Variants in ADGRF5 observed in about 807,000 individuals in gnomAD.
The protein encoded by ADGRF5 is adhesion G protein-coupled receptor F5.
A neutral mutation model predicts 132.3 loss-of-function variants in ADGRF5; 75 were observed. That is an observed-to-expected ratio of 0.57 (90% CI 0.47 to 0.69). The LOEUF is 0.69. ADGRF5 is among the 30% of genes least tolerant of loss of function. ADGRF5 has a pLI of 0.00. For missense variants in ADGRF5, 1,516 were observed against 1,630.6 expected, an observed-to-expected ratio of 0.93 and a Z score of 1.21; for synonymous variants, 629 against 597.6, an observed-to-expected ratio of 1.05 and a Z score of -0.77.
chr6:46,884,533 T>C (rs962084103), intron 4 of ADGRF5, among the ~76,000 whole-genome samples: 1 of 152,222 alleles, frequency 6.6e-6, no homozygotes, highest in African/African-American at 2.4e-5. Flanking sequence ...TCATGCCTAA[T>C]AGCTAATAGC....
At chr6:46,877,325 CTTT>C (rs1468414340) in intron 10 of ADGRF5, among the ~76,000 whole-genome samples, 21,230 of 40,992 alleles carry the variant, frequency 0.52, 3,598 homozygotes, top group African/African-American at 0.57. Context: ...TTCCTTCCTT[CTTT>C]CTTTCTTTCT....
chr6:46,895,750 G>C (rs567820655), intron 3 of ADGRF5, among the ~76,000 whole-genome samples: 2 of 151,776 alleles, frequency 1.3e-5, no homozygotes, highest in East Asian at 3.9e-4. Flanking sequence ...CTGTCAGAAA[G>C]CTGGAGTGGA....
chr6:46,941,678 A>G (rs1180963978), intron 1 of ADGRF5, among the ~76,000 whole-genome samples: 3 of 150,924 alleles, frequency 2.0e-5, no homozygotes, highest in Non-Finnish European at 1.5e-5. Context: ...TGTGGTTCTC[A>G]CTTTGAGAAA....
At chr6:46,905,718 A>G (rs973782765) in intron 2 of ADGRF5, among the ~76,000 whole-genome samples, 10 of 151,490 alleles carry the variant, frequency 6.6e-5, no homozygotes, top group African/African-American at 2.0e-4. Flanking sequence ...ATAATGCTAA[A>G]AACATACCAA....
chr6:46,871,704 A>G lies in ADGRF5; in HGVS notation c.1411+139T>C, dbSNP rs909273475. On this transcript the variant is annotated intron_variant, in intron 11 of 20. Coordinates refer to ENST00000283296, the MANE Select transcript of ADGRF5 (RefSeq NM_001098518.2). ...AGAGAGAAATCCTTTTCTATCTCCC[A>G]TTGTGTGATTTGCCCTAACCACACT... 4.0e-6 allele frequency: 2 copies of G among 502,528 alleles called. 1 individual carries two copies. Among genetic ancestry groups the G allele is most frequent in the Non-Finnish European group, 7.1e-6 (2 of 281,262 alleles). The allele number at this position is 502,528 out of a possible 1,614,324, so 31.1% of individuals were successfully genotyped here. A position where few individuals can be genotyped will look rare whatever the true frequency, so the allele number is the denominator to read the frequency against.
intron 1 of ADGRF5, among the ~76,000 whole-genome samples, chr6:46,937,929 CTTATAAATTTT>C (rs1777910713): frequency 1.3e-5 from 2 of 152,234 alleles, no homozygotes; most frequent in South Asian, 4.1e-4. Context: ...TAATTTAAAA[CTTATAAATTTT>C]TTTTCTGGAA....
At chr6:46,951,634 C>T (rs1778502862) in intron 1 of ADGRF5, among the ~76,000 whole-genome samples, 3 of 152,240 alleles carry the variant, frequency 2.0e-5, no homozygotes, top group Admixed American at 6.5e-5. Context: ...CTAGGTTTTT[C>T]CTGCACCACT....
intron 17 of ADGRF5, 29 bp downstream of exon 17, chr6:46,858,100 T>G (rs769121267): frequency 1.3e-6 from 2 of 1,513,770 alleles, no homozygotes; most frequent in Non-Finnish European, 9.0e-7. Context: ...AATAAAATCT[T>G]CCTGAAAGCT....
chr6:46,935,982 T>A (rs563154334), intron 1 of ADGRF5, among the ~76,000 whole-genome samples: 1 of 152,340 alleles, frequency 6.6e-6, no homozygotes, highest in South Asian at 2.1e-4. Flanking sequence ...GCGGAATGAA[T>A]GGCTCCAGCC....
intron 1 of ADGRF5, among the ~76,000 whole-genome samples, chr6:46,941,402 AAAAGAAAAG>A (rs1778050451): frequency 3.3e-5 from 1 of 30,306 alleles, no homozygotes; most frequent in African/African-American, 1.5e-4. Flanking sequence ...AAAAGAAAAG[AAAAGAAAAG>A]AAAAGAAAAG....
At chr6:46,889,186 C>CAT (rs5875989) in intron 3 of ADGRF5, among the ~76,000 whole-genome samples, 2,832 of 143,036 alleles carry the variant, frequency 0.02, 69 homozygotes, top group African/African-American at 0.059. Context: ...TATGTGTATA[C>CAT]ATATATATAT....
chr6:46,898,609 T>C (rs1309018110), intron 3 of ADGRF5, among the ~76,000 whole-genome samples: 1 of 152,110 alleles, frequency 6.6e-6, no homozygotes, highest in Non-Finnish European at 1.5e-5. Context: ...ATCTTCCAAA[T>C]AGTATTTTAA....
At chr6:46,949,714 G>T (rs1457577869) in intron 1 of ADGRF5, among the ~76,000 whole-genome samples, 1 of 152,172 alleles carries the variant, frequency 6.6e-6, no homozygotes, top group African/African-American at 2.4e-5. Flanking sequence ...AGAAATCAGG[G>T]CCAAAGCTCT....
intron 3 of ADGRF5, among the ~76,000 whole-genome samples, chr6:46,888,738 C>T (rs937876723): frequency 1.3e-5 from 2 of 152,066 alleles, no homozygotes; most frequent in Admixed American, 6.6e-5. Flanking sequence ...GAGGCAAGAG[C>T]GGAAGCAGAG....
intron 6 of ADGRF5, 114 bp from the exon 7 acceptor site, chr6:46,882,221 TTCTG>T (rs1772555782): frequency 1.3e-6 from 1 of 781,654 alleles, no homozygotes; most frequent in Non-Finnish European, 2.3e-6. Flanking sequence ...TAAAATTATC[TTCTG>T]TCTATTTTGT....
chr6:46,950,351 G>C (rs1024940336), intron 1 of ADGRF5, among the ~76,000 whole-genome samples: 2 of 152,106 alleles, frequency 1.3e-5, no homozygotes, highest in Non-Finnish European at 2.9e-5. Flanking sequence ...TTCCCACACA[G>C]AGCAACCTTT....
intron 3 of ADGRF5, among the ~76,000 whole-genome samples, chr6:46,897,860 C>T (rs892988934): frequency 5.3e-5 from 8 of 152,166 alleles, no homozygotes; most frequent in African/African-American, 1.7e-4. Context: ...TTAATTGCAA[C>T]TTACATTCTG....
intron 19 of ADGRF5, among the ~76,000 whole-genome samples, 155 bp from the exon 20 acceptor site, chr6:46,856,213 C>A (rs1020804562): frequency 2.0e-5 from 3 of 152,154 alleles, no homozygotes; most frequent in Non-Finnish European, 4.4e-5. Flanking sequence ...GGAATCTTAT[C>A]ATCTGTATTA....
intron 2 of ADGRF5, among the ~76,000 whole-genome samples, chr6:46,901,518 T>C (rs1774761973): frequency 6.6e-6 from 1 of 152,190 alleles, no homozygotes; most frequent in Non-Finnish European, 1.5e-5. Context: ...TAATACTTCC[T>C]AAGATGTATT....
Sources: allele counts gnomAD v4.1 joint callset (sites outside exome capture counted in the v4.1 genomes callset), GRCh38; gene constraint gnomAD v4.1.1; transcripts MANE v1.5; gene names NCBI Gene and HGNC (gene_info 2026-07-23, HGNC 2026-07-21).